The following GRM8 variants were observed in gnomAD, a reference collection of about 807,000 sequenced individuals.
GRM8 encodes the protein metabotropic glutamate receptor 8.
GRM8 carries 47 observed loss-of-function variants against 87.2 expected under a neutral mutation model. The observed-to-expected ratio is 0.54, with a 90% CI of 0.43 to 0.69. GRM8 has a LOEUF of 0.69. Ranked by LOEUF, GRM8 falls within the 30% of genes least tolerant of loss-of-function variation. GRM8 has a pLI of 0.00. For synonymous variants in GRM8, 396 were observed against 404.5 expected (o/e 0.98, Z 0.25); for missense variants, 1,019 against 1,139.2 (o/e 0.89, Z 1.52).
Position 127,242,824 on chromosome 7 carries a change from A to G in GRM8, c.381T>C (p.Asp127=). 1.2e-6 allele frequency: 2 copies of G among 1,614,194 alleles called. No homozygotes were observed. The highest frequency in any genetic ancestry group is 1.1e-5 in the South Asian group (1 of 91,080). The change falls in exon 2 of 11, where the codon GAT becomes GAC. Residue 127 remains aspartate, a synonymous_variant. Coordinates refer to ENST00000339582, the MANE Select transcript of GRM8 (RefSeq NM_000845.3). ...CATTAGCACACTTCACATCCGAAGCATCTTTCTCTATTAATGCCTGCACGA... is the reference window on the plus strand; with the variant it reads ...CATTAGCACACTTCACATCCGAAGCGTCTTTCTCTATTAATGCCTGCACGA... ...LTFVQALIEK[D]ASDVKCANGD...
chr7:126,481,658 T>C lies in GRM8; in HGVS notation c.2431-35286A>G, dbSNP rs572582567. On this transcript the variant is annotated intron_variant, in intron 9 of 10. Coordinates refer to ENST00000339582, the MANE Select transcript of GRM8 (RefSeq NM_000845.3). ...AAGTTTATTAAATTTGAAGAAAGCC[T>C]GAGGAACTGTCACAGATTGAAAAAA... is the stretch of plus-strand genomic sequence containing the variant. 3.3e-5 allele frequency among the ~76,000 whole-genome samples: 5 copies of C among 152,036 alleles called. No individual in the cohort carries two copies. In the East Asian group the frequency reaches 9.7e-4, roughly 30 times the overall value.
intron 6 of GRM8, among the ~76,000 whole-genome samples, chr7:126,805,512 C>A (rs1398267379): frequency 6.6e-6 from 1 of 152,168 alleles, no homozygotes; most frequent in Non-Finnish European, 1.5e-5. Context: ...ACTAGAGGTT[C>A]CACTGAGACA....
At chr7:126,580,254 A>T (rs1173231383) in intron 8 of GRM8, among the ~76,000 whole-genome samples, 1 of 151,992 alleles carries the variant, frequency 6.6e-6, no homozygotes, top group Admixed American at 6.6e-5. Context: ...TGAAATCCAA[A>T]CTCCAAAATT....
At chr7:126,614,094 G>T (rs1799197316) in intron 7 of GRM8, among the ~76,000 whole-genome samples, 1 of 152,210 alleles carries the variant, frequency 6.6e-6, no homozygotes, top group South Asian at 2.1e-4. Context: ...GTAGGTCCCT[G>T]ACCTCCAAGT....
intron 7 of GRM8, among the ~76,000 whole-genome samples, chr7:126,652,065 A>T (rs1367413030): frequency 2.6e-5 from 4 of 152,260 alleles, no homozygotes; most frequent in African/African-American, 9.6e-5. Flanking sequence ...TGTAATTGTC[A>T]TGAGTATTTC....
intron 3 of GRM8, among the ~76,000 whole-genome samples, chr7:127,075,081 T>C (rs1468637506): frequency 6.6e-6 from 1 of 152,230 alleles, no homozygotes; most frequent in Non-Finnish European, 1.5e-5. Context: ...GTCTTACTCA[T>C]TTTGTATAAA....
chr7:126,615,898 A>T (rs901088586), intron 7 of GRM8, among the ~76,000 whole-genome samples: 1 of 152,182 alleles, frequency 6.6e-6, no homozygotes, highest in African/African-American at 2.4e-5. Context: ...ACCTACAAAG[A>T]GACTTAGACT....
intron 6 of GRM8, among the ~76,000 whole-genome samples, chr7:126,776,582 G>GT (rs1228970643): frequency 2.0e-5 from 3 of 152,178 alleles, no homozygotes; most frequent in Non-Finnish European, 4.4e-5. Context: ...AATGTTTAGA[G>GT]TAATCACATA....
chr7:126,715,971 T>A (rs1200445718), intron 7 of GRM8, among the ~76,000 whole-genome samples: 1 of 152,224 alleles, frequency 6.6e-6, no homozygotes, highest in African/African-American at 2.4e-5. Flanking sequence ...TGCTTATAAT[T>A]GAACTCTGTT....
intron 3 of GRM8, among the ~76,000 whole-genome samples, chr7:126,937,067 A>G (rs1448490092): frequency 6.6e-6 from 1 of 152,150 alleles, no homozygotes; most frequent in African/African-American, 2.4e-5. Context: ...CTGCTAGAAA[A>G]GCCAACTTTT....
At chr7:126,747,124 C>T (rs572277054) in intron 7 of GRM8, among the ~76,000 whole-genome samples, 52 of 151,970 alleles carry the variant, frequency 3.4e-4, no homozygotes, top group Non-Finnish European at 6.5e-4. Flanking sequence ...AACATATATT[C>T]AGTACCATTA....
chr7:127,077,523 C>T (rs919849778), intron 3 of GRM8, among the ~76,000 whole-genome samples: 1 of 152,104 alleles, frequency 6.6e-6, no homozygotes, highest in African/African-American at 2.4e-5. Context: ...CATTCTCTGT[C>T]CTATATCATA....
chr7:126,522,542 C>A (rs1399117094), intron 9 of GRM8, among the ~76,000 whole-genome samples: 1 of 152,126 alleles, frequency 6.6e-6, no homozygotes, highest in African/African-American at 2.4e-5. Flanking sequence ...CTGGAAAATA[C>A]TTTTTCAGTG....
At chr7:126,831,014 C>T (rs991052601) in intron 6 of GRM8, among the ~76,000 whole-genome samples, 2 of 152,152 alleles carry the variant, frequency 1.3e-5, no homozygotes, top group African/African-American at 2.4e-5. Flanking sequence ...GCTGCAGAAC[C>T]GCGGATTTTC....
intron 2 of GRM8, chr7:127,228,251 T>C (rs890135058): frequency 2.0e-5 from 3 of 152,202 alleles, no homozygotes; most frequent in African/African-American, 7.2e-5. Context: ...CTGAAAACCA[T>C]ACCTATCTGA....
chr7:127,031,452 A>G lies in GRM8; in HGVS notation c.727+75044T>C, dbSNP rs577352949. On this transcript the variant is annotated intron_variant, in intron 3 of 10. Coordinates refer to ENST00000339582, the MANE Select transcript of GRM8 (RefSeq NM_000845.3). ...AAATGTTCTAGAGACCTCCATCTGG[A>G]TTGGCCCTTTTTGAACATGGCTGCT... Among the ~76,000 whole-genome samples, 10 of 152,150 alleles carry G rather than the reference A, an allele frequency of 6.6e-5. No homozygotes were observed. The East Asian group carries it at 1.9e-3, about 29-fold the overall frequency.
chr7:127,089,152 G>A (rs1173357706), intron 3 of GRM8, among the ~76,000 whole-genome samples: 3 of 152,180 alleles, frequency 2.0e-5, no homozygotes, highest in Non-Finnish European at 4.4e-5. Flanking sequence ...AATGACAAGT[G>A]TCCTTATAAG....
At chr7:127,068,512 C>G (rs1482261782) in intron 3 of GRM8, among the ~76,000 whole-genome samples, 3 of 152,118 alleles carry the variant, frequency 2.0e-5, no homozygotes, top group Admixed American at 6.6e-5. Context: ...GTTAGTCACT[C>G]TAGGGTCAGG....
intron 3 of GRM8, among the ~76,000 whole-genome samples, chr7:126,926,585 TTC>T: frequency 6.6e-6 from 1 of 152,338 alleles, no homozygotes; most frequent in South Asian, 2.1e-4. Context: ...TGAACGCTAC[TTC>T]TCTGTTTAAA....
Sources: gnomAD v4.1 joint callset for allele counts (sites outside exome capture counted in the v4.1 genomes callset) on GRCh38, gnomAD v4.1.1 for gene constraint, MANE v1.5 for transcripts, NCBI Gene and HGNC (gene_info 2026-07-23, HGNC 2026-07-21) for gene names.